The following NRG3 variants were observed in gnomAD, a reference collection of about 807,000 sequenced individuals.
NRG3 encodes the protein pro-neuregulin-3, membrane-bound isoform.
Under a neutral mutation model 66.9 loss-of-function variants are expected in NRG3, and 31 were observed. The observed-to-expected ratio is 0.46, with a 90% confidence interval of 0.35 to 0.63. NRG3 has a LOEUF of 0.63. Among genes scored for constraint, NRG3 ranks in the 20% least tolerant of loss-of-function variants. The pLI, the probability that NRG3 is intolerant of heterozygous loss-of-function variation, is 0.00. For synonymous variants in NRG3, 393 were observed against 359.4 expected (o/e 1.09, Z -1.06); for missense variants, 910 against 878.9 (o/e 1.04, Z -0.45).
intron 5 of NRG3, among the ~76,000 whole-genome samples, chr10:82,958,675 G>T (rs1850315848): frequency 6.6e-6 from 1 of 152,108 alleles, no homozygotes; most frequent in Non-Finnish European, 1.5e-5. Flanking sequence ...GAGACTTCTT[G>T]CATCTATGGG....
chr10:81,979,309 T>A (rs550174303), intron 1 of NRG3, among the ~76,000 whole-genome samples: 1 of 152,172 alleles, frequency 6.6e-6, no homozygotes, highest in South Asian at 2.1e-4. Flanking sequence ...ATTGTAGAGG[T>A]TATGGCTTCC....
chr10:82,120,164 A>G (rs1009736461), intron 1 of NRG3, among the ~76,000 whole-genome samples: 2 of 152,136 alleles, frequency 1.3e-5, no homozygotes, highest in African/African-American at 4.8e-5. Flanking sequence ...TATATATGGA[A>G]CAGCTCCTCC....
Position 82,126,427 on chromosome 10 carries a change from A to G in NRG3, c.824-232312A>G, listed in dbSNP as rs888343935. Among the ~76,000 whole-genome samples the G allele has an allele frequency of 2.7e-4, 41 of 152,156 alleles. 1 individual carries two copies. Among genetic ancestry groups the G allele is most frequent in the Middle Eastern group, 3.4e-3 (1 of 292 alleles). On this transcript the variant is annotated intron_variant, in intron 1 of 8. Coordinates refer to ENST00000372141, the MANE Select transcript of NRG3 (RefSeq NM_001010848.4). Reference sequence around the variant, plus strand: ...ACAGAACAAAAGCTGGGTGGTTATGAATCAAGCCATTCTAGACAATCTTTT... The same window carrying G: ...ACAGAACAAAAGCTGGGTGGTTATGGATCAAGCCATTCTAGACAATCTTTT...
intron 1 of NRG3, among the ~76,000 whole-genome samples, chr10:82,222,273 C>T (rs746170964): frequency 2.6e-5 from 4 of 151,824 alleles, no homozygotes; most frequent in Admixed American, 2.0e-4. Flanking sequence ...ATTCATGGAG[C>T]TTATAATCTA....
At chr10:82,649,103 A>C (rs922524824) in intron 2 of NRG3, among the ~76,000 whole-genome samples, 1 of 152,168 alleles carries the variant, frequency 6.6e-6, no homozygotes, top group African/African-American at 2.4e-5. Context: ...TATTCAACAT[A>C]GTGTTGGAAG....
At chr10:82,865,586 T>A in intron 4 of NRG3, 149 bp downstream of exon 4, 1 of 697,898 alleles carries the variant, frequency 1.4e-6, no homozygotes, top group Non-Finnish European at 2.3e-6. Context: ...GAGTTTTCAC[T>A]AAGTAATGGC....
chr10:82,789,485 T>C (rs575728685), intron 3 of NRG3, among the ~76,000 whole-genome samples: 1 of 152,128 alleles, frequency 6.6e-6, no homozygotes, highest in Non-Finnish European at 1.5e-5. Context: ...CTGATATTAG[T>C]AGAGCTACTT....
chr10:82,549,990 G>T (rs1460924742), intron 2 of NRG3, among the ~76,000 whole-genome samples: 3 of 152,084 alleles, frequency 2.0e-5, no homozygotes, highest in Non-Finnish European at 1.5e-5. Flanking sequence ...TAAAAATAAG[G>T]ATTGTGTTGC....
chr10:81,903,091 G>C (rs1844236339), intron 1 of NRG3, among the ~76,000 whole-genome samples: 1 of 152,102 alleles, frequency 6.6e-6, no homozygotes, highest in South Asian at 2.1e-4. Context: ...TTTGTAACCA[G>C]GGTTATGATT....
intron 1 of NRG3, among the ~76,000 whole-genome samples, chr10:82,066,487 G>A (rs1159342467): frequency 6.6e-6 from 1 of 152,138 alleles, no homozygotes; most frequent in Non-Finnish European, 1.5e-5. Flanking sequence ...AACTGATGCA[G>A]GGAAGGCAGA....
At chr10:82,019,571 A>AT (rs1377557576) in intron 1 of NRG3, among the ~76,000 whole-genome samples, 4 of 151,696 alleles carry the variant, frequency 2.6e-5, no homozygotes, top group Non-Finnish European at 2.9e-5. Context: ...TGGTCCTGGA[A>AT]TTTTTTTGGT....
At chr10:82,929,335 C>G (rs1485663725) in intron 4 of NRG3, among the ~76,000 whole-genome samples, 1 of 152,128 alleles carries the variant, frequency 6.6e-6, no homozygotes, top group East Asian at 1.9e-4. Flanking sequence ...CTATCTAAAA[C>G]TAGGCTGTCA....
chr10:82,845,366 C>T (rs2063260716), intron 3 of NRG3, among the ~76,000 whole-genome samples: 1 of 152,186 alleles, frequency 6.6e-6, no homozygotes. Flanking sequence ...TATCCCTACT[C>T]AATAAGCCCT....
chr10:82,224,075 C>T (rs535213423), intron 1 of NRG3: 1 of 152,290 alleles, frequency 6.6e-6, no homozygotes, highest in East Asian at 1.9e-4. Context: ...ACAAGGTCCC[C>T]TAATATTCTA....
At chr10:82,305,493 A>T (rs2080672372) in intron 1 of NRG3, among the ~76,000 whole-genome samples, 1 of 152,146 alleles carries the variant, frequency 6.6e-6, no homozygotes, top group Admixed American at 6.5e-5. Context: ...CTTATGGAGG[A>T]GTGGCATGTA....
intron 1 of NRG3, among the ~76,000 whole-genome samples, chr10:82,102,132 T>TTATATATATA (rs2066782910): frequency 5.0e-4 from 3 of 6,048 alleles, no homozygotes; most frequent in Non-Finnish European, 1.2e-3. Flanking sequence ...ATATGTGTAT[T>TTATATATATA]CATATATATA....
intron 1 of NRG3, among the ~76,000 whole-genome samples, chr10:82,199,910 G>GTGTGTGTGTGTGTT (rs1195295870): frequency 6.6e-5 from 10 of 151,644 alleles, no homozygotes; most frequent in African/African-American, 2.4e-4. Context: ...GTGTGTGTGT[G>GTGTGTGTGTGTGTT]TGTGTGTGTT....
intron 2 of NRG3, among the ~76,000 whole-genome samples, chr10:82,445,854 G>A (rs1564929880): frequency 6.6e-6 from 1 of 152,126 alleles, no homozygotes; most frequent in Non-Finnish European, 1.5e-5. Context: ...CTGGGTAAAG[G>A]CTTCTACTGA....
chr10:82,509,391 C>G (rs1019152902), intron 2 of NRG3, among the ~76,000 whole-genome samples: 3 of 152,030 alleles, frequency 2.0e-5, no homozygotes, highest in Non-Finnish European at 2.9e-5. Flanking sequence ...GTATCTAGGT[C>G]TACATTTTCT....
Sources: allele counts gnomAD v4.1 joint callset (sites outside exome capture counted in the v4.1 genomes callset), GRCh38; gene constraint gnomAD v4.1.1; transcripts MANE v1.5; gene names NCBI Gene and HGNC (gene_info 2026-07-23, HGNC 2026-07-21).